The following RAD51B variants were observed in gnomAD, a reference collection of about 807,000 sequenced individuals.
The protein encoded by RAD51B is DNA repair protein RAD51 homolog 2.
A neutral mutation model predicts 42.2 loss-of-function variants in RAD51B; 38 were observed. The ratio of observed to expected loss-of-function variants is 0.90; its 90% CI spans 0.70 to 1.18. The LOEUF (loss-of-function observed/expected upper bound fraction) is 1.18. Among genes scored for constraint, RAD51B ranks in the 50% most tolerant of loss-of-function variants. The pLI, the probability that RAD51B is intolerant of heterozygous loss-of-function variation, is 0.00. For synonymous variants in RAD51B, 154 were observed against 145.2 expected, an observed-to-expected ratio of 1.06 and a Z score of -0.43; for missense variants, 373 against 400.7, an observed-to-expected ratio of 0.93 and a Z score of 0.59.
chr14:68,641,136 C>G (rs1233242965), intron 10 of RAD51B, among the ~76,000 whole-genome samples: 1 of 152,044 alleles, frequency 6.6e-6, no homozygotes, highest in Non-Finnish European at 1.5e-5. Flanking sequence ...AAAGGAGGCC[C>G]AAGACACAGT....
chr14:68,612,137 AT>A (rs1891703012), downstream of RAD51B, among the ~76,000 whole-genome samples: 1 of 152,218 alleles, frequency 6.6e-6, no homozygotes, highest in African/African-American at 2.4e-5. Flanking sequence ...TAAGGAGCTG[AT>A]GGTCTCCTTC....
At chr14:68,349,039 T>C (rs2082730344) in intron 8 of RAD51B, among the ~76,000 whole-genome samples, 1 of 152,234 alleles carries the variant, frequency 6.6e-6, no homozygotes, top group Non-Finnish European at 1.5e-5. Flanking sequence ...CCATAGATGA[T>C]ACCTGGACAA....
At chr14:67,825,378 A>G in intron 2 of RAD51B, 86 bp from the exon 3 acceptor site, 1 of 823,408 alleles carries the variant, frequency 1.2e-6, no homozygotes, top group Non-Finnish European at 1.9e-6. Context: ...TTGTCTACAT[A>G]AGCAGTATCA....
At chr14:67,925,341 C>T (rs1478994534) in intron 7 of RAD51B, among the ~76,000 whole-genome samples, 1 of 151,646 alleles carries the variant, frequency 6.6e-6, no homozygotes, top group African/African-American at 2.4e-5. Flanking sequence ...CGTGTGATCT[C>T]GGCTCACTGT....
chr14:68,110,235 TC>T (rs1471268609), intron 7 of RAD51B, among the ~76,000 whole-genome samples: 3 of 151,932 alleles, frequency 2.0e-5, no homozygotes, highest in Non-Finnish European at 4.4e-5. Flanking sequence ...GCATTCAAGA[TC>T]CTAGGGGATT....
chr14:67,848,793 C>T lies in RAD51B; in HGVS notation c.315+13597C>T, dbSNP rs568292166. ...GGCTGTTCTAGTTGAAACAAATTCC[C>T]TCAGTGTTTTCTTGTCTGAGAAGAC... On this transcript the variant is annotated intron_variant, in intron 4 of 10. Transcript: ENST00000471583. Among the ~76,000 whole-genome samples, 28 of 152,234 alleles carry T rather than the reference C, an allele frequency of 1.8e-4. 1 individual carries two copies. The South Asian group carries it at 4.6e-3, about 25-fold the overall frequency.
chr14:67,994,059 T>C (rs888107964), intron 7 of RAD51B, among the ~76,000 whole-genome samples: 1 of 152,128 alleles, frequency 6.6e-6, no homozygotes, highest in African/African-American at 2.4e-5. Context: ...GCTTTGAAAC[T>C]GAATGCTGAG....
intron 5 of RAD51B, among the ~76,000 whole-genome samples, chr14:67,884,109 A>C (rs1157733931): frequency 2.6e-5 from 4 of 152,228 alleles, no homozygotes; most frequent in Non-Finnish European, 5.9e-5. Context: ...ATATATTTTT[A>C]GATGTTTATT....
intron 7 of RAD51B, among the ~76,000 whole-genome samples, chr14:67,927,480 C>A (rs1256920986): frequency 6.6e-6 from 1 of 152,126 alleles, no homozygotes; most frequent in Non-Finnish European, 1.5e-5. Flanking sequence ...CTTCTCCTGT[C>A]CTCTCCCCTT....
At chr14:68,664,610 A>G (rs1892996257) in intron 11 of RAD51B, among the ~76,000 whole-genome samples, 1 of 152,008 alleles carries the variant, frequency 6.6e-6, no homozygotes, top group Non-Finnish European at 1.5e-5. Context: ...AGAGAGCACA[A>G]TTCCCTCTTT....
chr14:68,147,605 GC>G (rs2078279147), intron 7 of RAD51B, among the ~76,000 whole-genome samples: 3 of 152,038 alleles, frequency 2.0e-5, no homozygotes, highest in African/African-American at 7.2e-5. Flanking sequence ...TCTCTATAAT[GC>G]CCAATTGTAT....
At chr14:68,251,105 T>G (rs140336977) in intron 7 of RAD51B, among the ~76,000 whole-genome samples, 155 of 152,284 alleles carry the variant, frequency 1.0e-3, no homozygotes, top group Non-Finnish European at 1.5e-3. Flanking sequence ...CCCTGCTGTT[T>G]GGAGTCATTG....
rs146798162 is a variant in RAD51B at position 68,237,829 on chromosome 14, G to A, written c.757-54055G>A. On this transcript the variant is annotated intron_variant, in intron 7 of 10. Coordinates refer to ENST00000471583, the MANE Select transcript of RAD51B (RefSeq NM_133510.4). ...CAGCTCACTGCAACCTCTGCCTCCCGGTTCAAGTGATTCCCCTGCCTCAGC... is the reference window on the plus strand; with the variant it reads ...CAGCTCACTGCAACCTCTGCCTCCCAGTTCAAGTGATTCCCCTGCCTCAGC... Among the ~76,000 whole-genome samples the A allele has an allele frequency of 8.2e-3, 1,217 of 148,766 alleles. 18 individuals carry two copies. Among genetic ancestry groups the A allele is most frequent in the African/African-American group, 0.028 (1,137 of 40,248 alleles).
chr14:67,898,828 T>A (rs1245295918), intron 7 of RAD51B, among the ~76,000 whole-genome samples: 2 of 152,172 alleles, frequency 1.3e-5, no homozygotes, highest in Non-Finnish European at 2.9e-5. Context: ...TTAAAAATAT[T>A]TCCCAAACAT....
intron 7 of RAD51B, among the ~76,000 whole-genome samples, chr14:68,092,567 T>C (rs1382924094): frequency 6.6e-6 from 1 of 152,222 alleles, no homozygotes; most frequent in African/African-American, 2.4e-5. Flanking sequence ...GAGACTTTGC[T>C]GAAGTTGCTT....
intron 7 of RAD51B, among the ~76,000 whole-genome samples, chr14:68,176,434 A>G (rs1174849018): frequency 2.0e-5 from 3 of 152,190 alleles, no homozygotes; most frequent in Admixed American, 6.5e-5. Context: ...AAATAAGATA[A>G]TACATTCTAG....
At chr14:68,149,700 G>C (rs1055312060) in intron 7 of RAD51B, 23 of 152,346 alleles carry the variant, frequency 1.5e-4, no homozygotes, top group African/African-American at 5.5e-4. Context: ...CAGCATGGGA[G>C]TTTTGGAGTG....
intron 10 of RAD51B, among the ~76,000 whole-genome samples, chr14:68,571,733 A>T (rs1223125615): frequency 1.1e-4 from 17 of 152,006 alleles, no homozygotes; most frequent in Admixed American, 1.0e-3. Flanking sequence ...TATTCTCCCT[A>T]CCACATATAG....
At chr14:68,682,358 GC>G (rs2140164998) in intron 11 of RAD51B, among the ~76,000 whole-genome samples, 1 of 152,190 alleles carries the variant, frequency 6.6e-6, no homozygotes, top group Non-Finnish European at 1.5e-5. Context: ...AAACTGAAAG[GC>G]CAGTTCCAGT....
Sources: allele counts gnomAD v4.1 joint callset (sites outside exome capture counted in the v4.1 genomes callset), GRCh38; gene constraint gnomAD v4.1.1; transcripts MANE v1.5; gene names NCBI Gene and HGNC (gene_info 2026-07-23, HGNC 2026-07-21).